ADGRL2: variants seen among roughly 807,000 people sequenced by gnomAD.
The protein encoded by ADGRL2 is calcium-independent alpha-latrotoxin receptor 2.
Under a neutral mutation model 157.4 loss-of-function variants are expected in ADGRL2, and 44 were observed. That is an observed-to-expected ratio of 0.28 (90% CI 0.22 to 0.36). The LOEUF (loss-of-function observed/expected upper bound fraction) is 0.36. Among genes scored for constraint, ADGRL2 ranks in the 10% least tolerant of loss-of-function variants. The pLI is 1.00. For synonymous variants in ADGRL2, 585 were observed against 624.7 expected (o/e 0.94, Z 0.95); for missense variants, 1,510 against 1,768.9 (o/e 0.85, Z 2.63).
intron 1 of ADGRL2, among the ~76,000 whole-genome samples, chr1:81,713,185 C>T (rs1233386551): frequency 6.6e-6 from 1 of 152,138 alleles, no homozygotes; most frequent in African/African-American, 2.4e-5. Flanking sequence ...CTAGGATCTT[C>T]CTGGAGCATC....
chr1:81,739,990 A>G (rs2085021506), intron 1 of ADGRL2, among the ~76,000 whole-genome samples: 1 of 152,208 alleles, frequency 6.6e-6, no homozygotes, highest in Non-Finnish European at 1.5e-5. Flanking sequence ...ACCAATCCAG[A>G]TTGGAAACCA....
chr1:81,515,671 C>T (rs2079162629), intron 2 of ADGRL2, among the ~76,000 whole-genome samples: 1 of 152,086 alleles, frequency 6.6e-6, no homozygotes, highest in African/African-American at 2.4e-5. Flanking sequence ...ATATTCGTAA[C>T]TAAAAGAAGA....
At chr1:81,726,846 G>A (rs969632600) in intron 1 of ADGRL2, among the ~76,000 whole-genome samples, 1 of 152,140 alleles carries the variant, frequency 6.6e-6, no homozygotes, top group Non-Finnish European at 1.5e-5. Context: ...GTTCAGGCCT[G>A]AATAAGAATC....
intron 1 of ADGRL2, among the ~76,000 whole-genome samples, chr1:81,396,081 C>G (rs2076650244): frequency 6.6e-6 from 1 of 151,984 alleles, no homozygotes; most frequent in Non-Finnish European, 1.5e-5. Flanking sequence ...TGCATTGAAT[C>G]TATAGATCAC....
intron 23 of ADGRL2, among the ~76,000 whole-genome samples, chr1:81,988,799 G>A (rs1205562114): frequency 6.6e-6 from 1 of 151,932 alleles, no homozygotes; most frequent in Non-Finnish European, 1.5e-5. Context: ...GCATTTTCTA[G>A]GATATCTGCA....
At chr1:81,370,675 A>T (rs1391284184) in intron 1 of ADGRL2, among the ~76,000 whole-genome samples, 5 of 152,156 alleles carry the variant, frequency 3.3e-5, no homozygotes. Flanking sequence ...TGCCATCAAA[A>T]TGCATAGGAC....
At chr1:81,383,792 A>G (rs936128083) in intron 1 of ADGRL2, among the ~76,000 whole-genome samples, 8 of 130,100 alleles carry the variant, frequency 6.1e-5, no homozygotes, top group South Asian at 5.0e-4. Context: ...GTGAACTCCC[A>G]TCTCTACTAA....
At chr1:81,661,596 C>T (rs2082651354) in intron 3 of ADGRL2, among the ~76,000 whole-genome samples, 1 of 152,180 alleles carries the variant, frequency 6.6e-6, no homozygotes, top group Non-Finnish European at 1.5e-5. Context: ...TGACCTTACA[C>T]AGTCTACAAC....
intron 3 of ADGRL2, among the ~76,000 whole-genome samples, chr1:81,909,739 A>G (rs1441739722): frequency 4.0e-5 from 6 of 150,794 alleles, no homozygotes; most frequent in Admixed American, 4.0e-4. Flanking sequence ...TTTTTACCTT[A>G]TATGTTGCCC....
intron 11 of ADGRL2, 77 bp downstream of exon 11, chr1:81,956,137 CTG>C: frequency 1.8e-6 from 2 of 1,122,392 alleles, no homozygotes; most frequent in Non-Finnish European, 2.5e-6. Flanking sequence ...CATTCTGTAT[CTG>C]TTATTTCCCA....
intron 2 of ADGRL2, among the ~76,000 whole-genome samples, chr1:81,492,358 T>A (rs1014228613): frequency 1.3e-5 from 2 of 152,206 alleles, no homozygotes; most frequent in Non-Finnish European, 2.9e-5. Flanking sequence ...GAAAAACACT[T>A]CAAATTCTGC....
chr1:81,954,937 T>A (rs1237130459), intron 10 of ADGRL2, among the ~76,000 whole-genome samples: 1 of 152,216 alleles, frequency 6.6e-6, no homozygotes, highest in East Asian at 1.9e-4. Context: ...TTTATGGGCA[T>A]AATGACACAT....
intron 2 of ADGRL2, among the ~76,000 whole-genome samples, chr1:81,763,424 A>G (rs1399208040): frequency 6.6e-6 from 1 of 151,786 alleles, no homozygotes; most frequent in Non-Finnish European, 1.5e-5. Flanking sequence ...ATCTCTACTA[A>G]AAATATAAAA....
At chr1:81,453,984 A>C (rs1447021387) in intron 2 of ADGRL2, among the ~76,000 whole-genome samples, 1 of 152,204 alleles carries the variant, frequency 6.6e-6, no homozygotes, top group Non-Finnish European at 1.5e-5. Flanking sequence ...TATTCTGTGA[A>C]GCTCCAATAC....
At chr1:81,793,082 T>C (rs2087426379) in intron 2 of ADGRL2, among the ~76,000 whole-genome samples, 1 of 152,012 alleles carries the variant, frequency 6.6e-6, no homozygotes, top group African/African-American at 2.4e-5. Flanking sequence ...CTGGGAAAAA[T>C]TTTAAGGATT....
intron 1 of ADGRL2, among the ~76,000 whole-genome samples, chr1:81,737,750 A>G (rs2084949614): frequency 6.6e-6 from 1 of 152,224 alleles, no homozygotes; most frequent in Admixed American, 6.5e-5. Context: ...AAGTTGATTA[A>G]ATAACCAACA....
At chr1:81,773,837 G>A (rs139978386) in intron 2 of ADGRL2, among the ~76,000 whole-genome samples, 14 of 152,308 alleles carry the variant, frequency 9.2e-5, no homozygotes, top group African/African-American at 3.4e-4. Context: ...TAGTACCTCA[G>A]AGTGTGACTG....
Position 81,722,272 on chromosome 1 carries a change from G to C in ADGRL2, c.-143+22464G>C, listed in dbSNP as rs932655559. Reference sequence around the variant, plus strand: ...CGCGCCACTGCACTCCAGCCTGGGCGACAGAGCGAGACTCCGTCTAAAAAA... The same window carrying C: ...CGCGCCACTGCACTCCAGCCTGGGCCACAGAGCGAGACTCCGTCTAAAAAA... On this transcript the variant is annotated intron_variant, in intron 1 of 20. Transcript: ENST00000359929. The C allele has an allele frequency of 1.1e-5, 5 of 445,842 alleles. No individual in the cohort carries two copies. The Admixed American group carries it at 1.6e-4, about 14-fold the overall frequency. The allele number at this position is 445,842 out of a possible 1,614,324, so 27.6% of individuals were successfully genotyped here. A position where few individuals can be genotyped will look rare whatever the true frequency, so the allele number is the denominator to read the frequency against.
intron 3 of ADGRL2, among the ~76,000 whole-genome samples, chr1:81,644,184 T>C: frequency 6.6e-6 from 1 of 152,158 alleles, no homozygotes; most frequent in East Asian, 1.9e-4. Context: ...AAAATAAATG[T>C]AAACCCAGAG....
Sources: allele counts gnomAD v4.1 joint callset (sites outside exome capture counted in the v4.1 genomes callset), GRCh38; gene constraint gnomAD v4.1.1; transcripts MANE v1.5; gene names NCBI Gene and HGNC (gene_info 2026-07-23, HGNC 2026-07-21).